NKX3-2: variants seen among roughly 807,000 people sequenced by gnomAD.
The protein encoded by NKX3-2 is homeobox protein Nkx-3.2.
NKX3-2 carries 13 observed loss-of-function variants against 19.4 expected under a neutral mutation model. The observed-to-expected ratio is 0.67, with a 90% CI of 0.44 to 1.07. The LOEUF is 1.07. NKX3-2 is among the 50% of genes least tolerant of loss of function. The probability of loss-of-function intolerance (pLI) is 0.00; values close to 1 mark genes in which losing one functional copy is unlikely to be tolerated. For missense variants in NKX3-2, 562 were observed against 488.2 expected (o/e 1.15, Z -1.42); for synonymous variants, 269 against 230.5 (o/e 1.17, Z -1.51).
At position 13,541,506 on chromosome 4, in the gene NKX3-2, G is replaced by T. The variant is rs1400297388; in HGVS notation, c.*487C>A. 1 of 153,166 alleles carries T rather than the reference G, an allele frequency of 6.5e-6. No individual in the cohort carries two copies. The highest frequency in any genetic ancestry group is 1.9e-4 in the East Asian group (1 of 5,210). 9.5% of individuals were successfully genotyped at this position (153,166 alleles called of 1,614,324 possible). On this transcript the variant is annotated 3_prime_UTR_variant, in exon 2 of 2. Transcript: ENST00000382438. ...GACTGCCAGGGTTTCGCACCCCTTG[G>T]TTACAAATGCAATTTCCAAAAATAA... is the stretch of plus-strand genomic sequence containing the variant.
chr4:13,541,578 A>C lies in NKX3-2; in HGVS notation c.*415T>G. On this transcript the variant is annotated 3_prime_UTR_variant, in exon 2 of 2. Transcript: ENST00000382438. ...ATTGGTAGCATGGATACCATGAACT[A>C]GTGTGGCCTAGTGCAGAAAGCTCCC... The C allele has an allele frequency of 5.4e-6, 1 of 183,964 alleles. No homozygotes were observed. Among genetic ancestry groups the C allele is most frequent in the Non-Finnish European group, 1.1e-5 (1 of 89,396 alleles). 11.4% of individuals were successfully genotyped at this position (183,964 alleles called of 1,614,324 possible). A position where few individuals can be genotyped will look rare whatever the true frequency, so the allele number is the denominator to read the frequency against.
upstream of NKX3-2, among the ~76,000 whole-genome samples, chr4:13,545,237 T>C (rs1347226537): frequency 6.6e-6 from 1 of 152,170 alleles, no homozygotes; most frequent in African/African-American, 2.4e-5. Context: ...CTAAGCCTGG[T>C]CCTCGAAGCA....
chr4:13,547,237 C>T (rs555214293), upstream of NKX3-2: 9 of 456,326 alleles, frequency 2.0e-5, no homozygotes, highest in East Asian at 2.1e-4. Flanking sequence ...GTGGCGAAGG[C>T]GCAGCAGGCC....
chr4:13,546,624 G>T (rs1445139176), upstream of NKX3-2: 1 of 334,310 alleles, frequency 3.0e-6, no homozygotes, highest in African/African-American at 2.2e-5. Context: ...TACAGCGATC[G>T]CTTTGTGGGT....
In NKX3-2 at chr4:13,542,502, C is replaced by T; in HGVS notation, c.493G>A (p.Asp165Asn). The T allele has an allele frequency of 6.3e-7, 1 of 1,596,700 alleles. No homozygotes were observed. Among genetic ancestry groups the T allele is most frequent in the Admixed American group, 1.7e-5 (1 of 60,004 alleles). Residue 165 changes from aspartate (D) to asparagine (N), a missense_variant, in exon 2 of 2, where the codon GAC (aspartate) becomes AAC (asparagine). Physicochemically the swap from Asp to Asn is conservative, Grantham distance 23. Coordinates refer to ENST00000382438, the MANE Select transcript of NKX3-2 (RefSeq NM_001189.4). This position sits in a 1 kb window ranked among gnomAD's most constrained non-coding sequence, Gnocchi z 6.4. ...TGTGCACCTCTGGGGCCAACACCGT[C>T]GTCCTCGGTCCTTGGGCTGCGGTCG... ...SGDRSPRTED[D>N]GVGPRGAHVS... is the part of the protein sequence containing the mutation.
rs1367039403 is a variant in NKX3-2 at position 13,540,903 on chromosome 4, T to C, written c.*1090A>G. Reference sequence around the variant, plus strand: ...GAGCTTCCAAACTTCACAAATCTTTTTACAGTTAATACTCTAGTTGAGTGC... The same window carrying C: ...GAGCTTCCAAACTTCACAAATCTTTCTACAGTTAATACTCTAGTTGAGTGC... On this transcript the variant is annotated 3_prime_UTR_variant, in exon 2 of 2. Transcript: ENST00000382438. The C allele has an allele frequency of 6.6e-6, 1 of 152,240 alleles. No homozygotes were observed. The highest frequency in any genetic ancestry group is 1.5e-5 in the Non-Finnish European group (1 of 68,050). 9.4% of individuals were successfully genotyped at this position (152,240 alleles called of 1,614,324 possible).
rs1718065771 is a variant in NKX3-2 at position 13,544,171 on chromosome 4, C to T, written c.244G>A (p.Gly82Arg). 1 of 1,604,374 alleles carries T rather than the reference C, an allele frequency of 6.2e-7. No homozygotes were observed. Among genetic ancestry groups the T allele is most frequent in the Non-Finnish European group, 8.5e-7 (1 of 1,179,030 alleles). Reference sequence around the variant, plus strand: ...CCTTCCGGGCTCTCCGCAGTCCGCCCCGCAGCTGTTCTGGTACCGGCAGGA... The same window carrying T: ...CCTTCCGGGCTCTCCGCAGTCCGCCTCGCAGCTGTTCTGGTACCGGCAGGA... ...ASPAGTRTAA[G>R]RTAESPEGWD... is the part of the protein sequence containing the mutation. Residue 82 changes from glycine to arginine, a missense_variant, in exon 1 of 2, where the codon GGG becomes AGG. By Grantham distance (125) the Gly-to-Arg change is moderately radical. Coordinates refer to ENST00000382438, the MANE Select transcript of NKX3-2 (RefSeq NM_001189.4).
At position 13,542,133 on chromosome 4, in the gene NKX3-2, C is replaced by T. The variant is rs1247853554; in HGVS notation, c.862G>A (p.Asp288Asn). Reference sequence around the variant, plus strand: ...CCGGGCAGGTATTGTCTCTGGTCGTCGCGCACCAGCACCTTTACGGCCACC... The same window carrying T: ...CCGGGCAGGTATTGTCTCTGGTCGTTGCGCACCAGCACCTTTACGGCCACC... ...KKVAVKVLVRDDQRQYLPGEV... is the reference protein window; with the variant it reads ...KKVAVKVLVRNDQRQYLPGEV... Residue 288 changes from aspartate to asparagine, a missense_variant, in exon 2 of 2, where the codon GAC becomes AAC. Asp to Asn is a conservative substitution (Grantham distance 23). Coordinates refer to ENST00000382438, the MANE Select transcript of NKX3-2 (RefSeq NM_001189.4). The surrounding 1 kb of genome is among the most constrained non-coding windows in gnomAD (Gnocchi z 6.4). 3.1e-6 allele frequency: 5 copies of T among 1,611,546 alleles called. No homozygotes were observed. Among genetic ancestry groups the T allele is most frequent in the Admixed American group, 1.7e-5 (1 of 59,840 alleles).
rs1014676690 is a variant in NKX3-2 at position 13,544,233 on chromosome 4, C to A, written c.182G>T (p.Gly61Val). 11 of 1,589,226 alleles carry A rather than the reference C, an allele frequency of 6.9e-6. No individual in the cohort carries two copies. Among genetic ancestry groups the A allele is most frequent in the African/African-American group, 6.8e-5 (5 of 73,682 alleles). The change falls in exon 1 of 2, where the codon GGC becomes GTC. Residue 61 changes from glycine (G) to valine (V), a missense_variant. By Grantham distance (109) the Gly-to-Val change is moderately radical. Transcript: ENST00000382438. ...CWRLFGERDA[G>V]ALGGAEDSLL... is the part of the protein sequence containing the mutation. Reference sequence around the variant, plus strand: ...AGAGTCCTCGGCGCCCCCCAACGCGCCCGCGTCCCTCTCCCCAAAGAGCCG... The same window carrying A: ...AGAGTCCTCGGCGCCCCCCAACGCGACCGCGTCCCTCTCCCCAAAGAGCCG...
Position 13,541,928 on chromosome 4 carries a change from A to G in NKX3-2, c.*65T>C. 3 of 1,543,106 alleles carry G rather than the reference A, an allele frequency of 1.9e-6. No homozygotes were observed. Among genetic ancestry groups the G allele is most frequent in the Non-Finnish European group, 2.6e-6 (3 of 1,142,580 alleles). ...GGGCGCCCCGTGCAGGCTACAGCCT[A>G]CAGCTGTCAGCGCCGGTCCGGAGCC... On this transcript the variant is annotated 3_prime_UTR_variant, in exon 2 of 2. Transcript: ENST00000382438.
At position 13,542,181 on chromosome 4, in the gene NKX3-2, C is replaced by G; in HGVS notation, c.814G>C (p.Ala272Pro). ...ACCTTCTTGGCGGCGGGCGCCGAGG[C>G]CAGCAGGTCGGCTGCCATCTGCCGG... ...KRRQMAADLL[A>P]SAPAAKKVAV... Residue 272 changes from alanine to proline, a missense_variant, in exon 2 of 2, where the codon GCC becomes CCC. Physicochemically the swap from Ala to Pro is conservative, Grantham distance 27 (BLOSUM62 -1). Transcript: ENST00000382438. The surrounding 1 kb of genome is among the most constrained non-coding windows in gnomAD (Gnocchi z 6.4). 1.2e-6 allele frequency: 2 copies of G among 1,607,786 alleles called. No individual in the cohort carries two copies. Among genetic ancestry groups the G allele is most frequent in the Non-Finnish European group, 8.5e-7 (1 of 1,177,426 alleles).
upstream of NKX3-2, chr4:13,547,705 G>A (rs1016009082): frequency 1.9e-5 from 3 of 154,004 alleles, no homozygotes; most frequent in East Asian, 1.9e-4. Context: ...TGCGCGGTGA[G>A]ACTTCCGCGG....
At position 13,542,028 on chromosome 4, in the gene NKX3-2, G is replaced by C; in HGVS notation, c.967C>G (p.Leu323Val). ...CCTGCGGCAGCTGCGCAGGTGGAGA[G>C]CGCCCAGCCTGGGAGGCAGTAGTAC... Reference protein sequence around the residue: ...YPYYCLPGWALSTCAAAAGTQ With the variant: ...YPYYCLPGWAVSTCAAAAGTQ Residue 323 changes from leucine (L) to valine (V), a missense_variant, in exon 2 of 2, where the codon CTC becomes GTC. By Grantham distance (32) the Leu-to-Val change is conservative. Coordinates refer to ENST00000382438, the MANE Select transcript of NKX3-2 (RefSeq NM_001189.4). The surrounding 1 kb of genome is among the most constrained non-coding windows in gnomAD (Gnocchi z 6.4). 5 of 1,597,726 alleles carry C rather than the reference G, an allele frequency of 3.1e-6. No individual in the cohort carries two copies. The highest frequency in any genetic ancestry group is 4.3e-6 in the Non-Finnish European group (5 of 1,172,728).
chr4:13,544,522 G>A (rs1453851338), upstream of NKX3-2: 12 of 686,322 alleles, frequency 1.7e-5, no homozygotes, highest in East Asian at 3.9e-4. Context: ...CTGGGTGTGC[G>A]AGGCCGCCGC....
At chr4:13,546,581 T>A (rs940853614), upstream of NKX3-2, 97 of 282,216 alleles carry the variant, frequency 3.4e-4, no homozygotes, top group African/African-American at 2.1e-3. Context: ...GCCTGGAAGG[T>A]AGGGGACGGG....
chr4:13,542,492 C>A lies in NKX3-2; in HGVS notation c.503G>T (p.Gly168Val). The change falls in exon 2 of 2, where the codon GGC becomes GTC. Residue 168 changes from glycine (G) to valine (V), a missense_variant. Physicochemically the swap from Gly to Val is moderately radical, Grantham distance 109 (BLOSUM62 -3). Coordinates refer to ENST00000382438, the MANE Select transcript of NKX3-2 (RefSeq NM_001189.4). This position sits in a 1 kb window ranked among gnomAD's most constrained non-coding sequence, Gnocchi z 6.4. ...RSPRTEDDGV[G>V]PRGAHVSALC... ...CGCGGACACGTGTGCACCTCTGGGGCCAACACCGTCGTCCTCGGTCCTTGG... is the reference window on the plus strand; with the variant it reads ...CGCGGACACGTGTGCACCTCTGGGGACAACACCGTCGTCCTCGGTCCTTGG... The A allele has an allele frequency of 1.3e-6, 2 of 1,596,656 alleles. No individual in the cohort carries two copies. The highest frequency in any genetic ancestry group is 2.7e-5 in the African/African-American group (2 of 74,956).
upstream of NKX3-2, chr4:13,546,476 C>T (rs1331067634): frequency 5.1e-6 from 1 of 194,576 alleles, no homozygotes; most frequent in African/African-American, 2.3e-5. Flanking sequence ...AACAGTGTGT[C>T]CTCTCCTCCC....
upstream of NKX3-2, chr4:13,546,268 A>G (rs1718130086): frequency 6.6e-6 from 1 of 152,654 alleles, no homozygotes; most frequent in South Asian, 2.1e-4. Flanking sequence ...ACTTTTCAGC[A>G]TTTCGGTTAC....
In NKX3-2 at chr4:13,542,050, G is replaced by C. The variant is rs748822302; in HGVS notation, c.945C>G (p.Tyr315Ter). Residue 315 changes from tyrosine (Y) to a stop codon, truncating the protein, a stop_gained, in exon 2 of 2, where the codon TAC becomes TAG. Coordinates refer to ENST00000382438, the MANE Select transcript of NKX3-2 (RefSeq NM_001189.4). LOFTEE classifies it high-confidence loss of function. This position sits in a 1 kb window ranked among gnomAD's most constrained non-coding sequence, Gnocchi z 6.4. ...AGAGCGCCCAGCCTGGGAGGCAGTA[G>C]TACGGGTAATAGTAGGAGGGCTGCA... is the stretch of plus-strand genomic sequence containing the variant. Reference protein sequence around the residue: ...LPLQPSYYYPYYCLPGWALST... With the variant: ...LPLQPSYYYP 1 of 1,606,134 alleles carries C rather than the reference G, an allele frequency of 6.2e-7. No homozygotes were observed. Among genetic ancestry groups the C allele is most frequent in the South Asian group, 1.1e-5 (1 of 89,736 alleles).
Sources: allele counts gnomAD v4.1 joint callset (sites outside exome capture counted in the v4.1 genomes callset), GRCh38; gene constraint gnomAD v4.1.1; non-coding constraint Gnocchi (gnomAD v3.1); transcripts MANE v1.5; gene names NCBI Gene and HGNC (gene_info 2026-07-23, HGNC 2026-07-21).